The following CDC42BPA variants were observed in gnomAD, a reference collection of about 807,000 sequenced individuals.
CDC42BPA encodes CDC42 binding protein kinase alpha, also known as serine/threonine-protein kinase MRCK alpha.
In CDC42BPA, 80 loss-of-function variants were observed where a neutral mutation model predicts 223.5. The observed-to-expected ratio is 0.36, with a 90% CI of 0.30 to 0.43. The LOEUF is 0.43. Ranked by LOEUF, CDC42BPA falls within the 20% of genes least tolerant of loss-of-function variation. The pLI is 1.00. For missense variants in CDC42BPA, 1,743 were observed against 2,099.9 expected (o/e 0.83, Z 3.32); for synonymous variants, 694 against 718.6 (o/e 0.97, Z 0.55).
chr1:227,285,025 G>C (rs1688604142), intron 1 of CDC42BPA, among the ~76,000 whole-genome samples: 1 of 151,594 alleles, frequency 6.6e-6, no homozygotes, highest in East Asian at 1.9e-4. Context: ...CATACCTCTG[G>C]ATAGAGAAAC....
intron 30 of CDC42BPA, among the ~76,000 whole-genome samples, chr1:227,026,600 T>C (rs934181069): frequency 1.3e-5 from 2 of 152,176 alleles, no homozygotes; most frequent in African/African-American, 4.8e-5. Flanking sequence ...AGATGCTCAA[T>C]ATACACTTGT....
At chr1:227,094,013 A>G (rs1016695870) in intron 15 of CDC42BPA, among the ~76,000 whole-genome samples, 3 of 152,184 alleles carry the variant, frequency 2.0e-5, no homozygotes, top group Admixed American at 1.3e-4. Flanking sequence ...AGGGAGGCCA[A>G]CTATCTTTAA....
chr1:227,062,774 T>C (rs1473526013), intron 21 of CDC42BPA, among the ~76,000 whole-genome samples: 2 of 151,996 alleles, frequency 1.3e-5, no homozygotes, highest in Admixed American at 6.5e-5. Flanking sequence ...TTTGTCTTTG[T>C]ATCCATTATG....
At chr1:227,296,089 T>C (rs187381065) in intron 1 of CDC42BPA, among the ~76,000 whole-genome samples, 71 of 152,154 alleles carry the variant, frequency 4.7e-4, no homozygotes, top group African/African-American at 1.7e-3. Flanking sequence ...TTTAGAGGAC[T>C]TACCCTTTTC....
intron 34 of CDC42BPA, among the ~76,000 whole-genome samples, chr1:227,011,803 T>C (rs1013675280): frequency 6.6e-6 from 1 of 152,156 alleles, no homozygotes; most frequent in African/African-American, 2.4e-5. Flanking sequence ...GCAGGAACTA[T>C]CACTCAGTAG....
chr1:227,058,514 G>A (rs773143274), intron 21 of CDC42BPA, among the ~76,000 whole-genome samples: 3 of 152,178 alleles, frequency 2.0e-5, no homozygotes, highest in Non-Finnish European at 4.4e-5. Flanking sequence ...CCTTTTGAAT[G>A]TTACTATTTT....
chr1:227,114,431 G>A (rs1031803813), intron 12 of CDC42BPA, among the ~76,000 whole-genome samples: 1 of 148,112 alleles, frequency 6.8e-6, no homozygotes, highest in East Asian at 2.0e-4. Context: ...CTGCACTAAA[G>A]GAACCAGTAA....
At chr1:227,203,771 CA>C (rs1266230813) in intron 3 of CDC42BPA, among the ~76,000 whole-genome samples, 1 of 152,112 alleles carries the variant, frequency 6.6e-6, no homozygotes, top group Non-Finnish European at 1.5e-5. Flanking sequence ...AAAAAATATT[CA>C]GTCTATATTA....
chr1:227,167,972 TCAAGTGCAGTGG>T (rs1274470498), intron 5 of CDC42BPA, among the ~76,000 whole-genome samples: 1 of 151,734 alleles, frequency 6.6e-6, no homozygotes, highest in Non-Finnish European at 1.5e-5. Flanking sequence ...TCACCCAGGC[TCAAGTGCAGTGG>T]CATGATCTTG....
At chr1:227,127,474 A>G (rs1010761033) in intron 11 of CDC42BPA, among the ~76,000 whole-genome samples, 1 of 152,232 alleles carries the variant, frequency 6.6e-6, no homozygotes, top group Non-Finnish European at 1.5e-5. Context: ...ACTATTAAAA[A>G]GAGGAGAGAT....
At chr1:227,092,947 T>C (rs1683348924) in intron 15 of CDC42BPA, among the ~76,000 whole-genome samples, 1 of 152,128 alleles carries the variant, frequency 6.6e-6, no homozygotes, top group African/African-American at 2.4e-5. Context: ...TCTACCATAA[T>C]CACGAAGCAA....
intron 1 of CDC42BPA, among the ~76,000 whole-genome samples, chr1:227,311,937 A>G (rs1018259109): frequency 6.6e-6 from 1 of 152,096 alleles, no homozygotes; most frequent in African/African-American, 2.4e-5. Flanking sequence ...TCCCTAATCT[A>G]TCGTGTGTCC....
At chr1:227,159,471 G>A (rs1663450033) in intron 6 of CDC42BPA, among the ~76,000 whole-genome samples, 1 of 151,712 alleles carries the variant, frequency 6.6e-6, no homozygotes, top group Non-Finnish European at 1.5e-5. Flanking sequence ...AGGCAACAGA[G>A]ACTTTGTCTA....
intron 5 of CDC42BPA, among the ~76,000 whole-genome samples, chr1:227,166,490 T>C (rs1665060207): frequency 6.6e-6 from 1 of 152,232 alleles, no homozygotes; most frequent in African/African-American, 2.4e-5. Flanking sequence ...AAAACTTACA[T>C]AAATTCACAT....
chr1:227,174,720 A>C lies in CDC42BPA; in HGVS notation c.600-14084T>G, dbSNP rs117119003. Among the ~76,000 whole-genome samples, 133 of 152,330 alleles carry C rather than the reference A, an allele frequency of 8.7e-4. 3 individuals are homozygous for C. In the East Asian group the frequency reaches 0.023, roughly 27 times the overall value. ...TATGAAGAAAACCATAAATAAGTTA[A>C]CTGGTTTTTCATTTTAGTTTTTTGG... is the stretch of plus-strand genomic sequence containing the variant. On this transcript the variant is annotated intron_variant, in intron 5 of 36. Transcript: ENST00000366766.
At chr1:227,280,646 A>C (rs1687866427) in intron 1 of CDC42BPA, among the ~76,000 whole-genome samples, 1 of 152,252 alleles carries the variant, frequency 6.6e-6, no homozygotes, top group Admixed American at 6.5e-5. Context: ...CTATTACACT[A>C]AATTATCTCC....
chr1:227,164,328 A>G (rs1194114406), intron 5 of CDC42BPA, among the ~76,000 whole-genome samples: 1 of 152,180 alleles, frequency 6.6e-6, no homozygotes, highest in South Asian at 2.1e-4. Context: ...TTTTATGGGA[A>G]TCATGATTTT....
intron 16 of CDC42BPA, among the ~76,000 whole-genome samples, chr1:227,081,247 T>C (rs1680556562): frequency 6.6e-6 from 1 of 152,084 alleles, no homozygotes. Flanking sequence ...ATTCTCTACT[T>C]GGCTTAAGAA....
chr1:227,001,902 GTCTC>G, intron 35 of CDC42BPA, among the ~76,000 whole-genome samples: 1 of 138,768 alleles, frequency 7.2e-6, no homozygotes, highest in South Asian at 2.2e-4. Flanking sequence ...GTGAGACTCT[GTCTC>G]AAAAAAAACA....
Sources: allele counts gnomAD v4.1 joint callset (sites outside exome capture counted in the v4.1 genomes callset), GRCh38; gene constraint gnomAD v4.1.1; transcripts MANE v1.5; gene names NCBI Gene and HGNC (gene_info 2026-07-23, HGNC 2026-07-21).